Variants in CNTN5 observed in about 807,000 individuals in gnomAD.
CNTN5 encodes contactin 5.
Under a neutral mutation model 129.1 loss-of-function variants are expected in CNTN5, and 77 were observed. That is an observed-to-expected ratio of 0.60 (90% CI 0.50 to 0.72). CNTN5 has a LOEUF of 0.72. Ranked by LOEUF, CNTN5 falls within the 30% of genes least tolerant of loss-of-function variation. The probability of loss-of-function intolerance (pLI) is 0.00; values close to 1 mark genes in which losing one functional copy is unlikely to be tolerated. For synonymous variants in CNTN5, 509 were observed against 465.6 expected (o/e 1.09, Z -1.20); for missense variants, 1,478 against 1,328.8 (o/e 1.11, Z -1.75).
At chr11:99,187,950 G>T (rs1049105586) in intron 1 of CNTN5, among the ~76,000 whole-genome samples, 3 of 151,434 alleles carry the variant, frequency 2.0e-5, no homozygotes, top group Admixed American at 1.3e-4. Flanking sequence ...CCTTCCAGTG[G>T]TTACTATTAT....
At chr11:100,189,106 T>C (rs1258916624) in intron 13 of CNTN5, among the ~76,000 whole-genome samples, 1 of 151,996 alleles carries the variant, frequency 6.6e-6, no homozygotes, top group South Asian at 2.1e-4. Context: ...GGGCAAGAGT[T>C]GAAAAACTAA....
At chr11:99,503,809 G>T (rs1339837889) in intron 2 of CNTN5, among the ~76,000 whole-genome samples, 1 of 151,952 alleles carries the variant, frequency 6.6e-6, no homozygotes, top group East Asian at 1.9e-4. Flanking sequence ...GCAAGGAATT[G>T]TACCTCATTT....
At chr11:99,130,536 G>A (rs1325523313) in intron 1 of CNTN5, among the ~76,000 whole-genome samples, 1 of 152,108 alleles carries the variant, frequency 6.6e-6, no homozygotes, top group Non-Finnish European at 1.5e-5. Flanking sequence ...ATGCCCTACT[G>A]TCAGTATGAG....
intron 1 of CNTN5, among the ~76,000 whole-genome samples, chr11:99,055,795 GAAT>G (rs1401341983): frequency 2.0e-5 from 3 of 151,942 alleles, no homozygotes; most frequent in Non-Finnish European, 4.4e-5. Flanking sequence ...GTCAGAACCA[GAAT>G]GAGTCTTGCC....
At chr11:99,307,203 T>C (rs1864916074) in intron 1 of CNTN5, among the ~76,000 whole-genome samples, 1 of 152,230 alleles carries the variant, frequency 6.6e-6, no homozygotes, top group African/African-American at 2.4e-5. Context: ...GTGATCACTG[T>C]AACAAATAAT....
intron 2 of CNTN5, among the ~76,000 whole-genome samples, chr11:99,434,063 A>G (rs1170459142): frequency 6.6e-6 from 1 of 152,134 alleles, no homozygotes; most frequent in Non-Finnish European, 1.5e-5. Context: ...CATACCTACA[A>G]TGAAGATCAC....
At chr11:99,639,683 G>C (rs1459438345) in intron 3 of CNTN5, among the ~76,000 whole-genome samples, 4 of 145,822 alleles carry the variant, frequency 2.7e-5, no homozygotes, top group Admixed American at 2.2e-4. Context: ...CCCTGCCTCA[G>C]CCTCCCAAGT....
At chr11:99,602,665 AT>A (rs1363443770) in intron 3 of CNTN5, among the ~76,000 whole-genome samples, 3 of 151,592 alleles carry the variant, frequency 2.0e-5, no homozygotes, top group East Asian at 3.9e-4. Flanking sequence ...AAAAAAAAAA[AT>A]GTATCAAAAA....
intron 3 of CNTN5, among the ~76,000 whole-genome samples, chr11:99,679,929 T>A (rs1345766342): frequency 6.6e-6 from 1 of 152,160 alleles, no homozygotes; most frequent in Non-Finnish European, 1.5e-5. Context: ...GCATTCCTGA[T>A]GTAGAGACAG....
chr11:100,195,251 G>A, intron 15 of CNTN5, among the ~76,000 whole-genome samples: 1 of 151,972 alleles, frequency 6.6e-6, no homozygotes, highest in South Asian at 2.1e-4. Context: ...CATATCTAAA[G>A]AAAAAATACA....
intron 2 of CNTN5, among the ~76,000 whole-genome samples, chr11:99,414,876 G>T (rs928752947): frequency 6.6e-6 from 1 of 152,174 alleles, no homozygotes; most frequent in African/African-American, 2.4e-5. Context: ...ACTGAATATA[G>T]TTTAACAAGG....
chr11:100,311,763 A>G (rs982887120), intron 21 of CNTN5, among the ~76,000 whole-genome samples: 4 of 152,046 alleles, frequency 2.6e-5, no homozygotes, highest in African/African-American at 9.7e-5. Flanking sequence ...GGATTCAGCA[A>G]TGTGGAGACC....
At chr11:99,073,230 A>G (rs1865409914) in intron 1 of CNTN5, among the ~76,000 whole-genome samples, 1 of 152,058 alleles carries the variant, frequency 6.6e-6, no homozygotes, top group South Asian at 2.1e-4. Context: ...TGGTGGCTAT[A>G]TATCCCAAAG....
At chr11:99,213,397 T>C in intron 1 of CNTN5, among the ~76,000 whole-genome samples, 1 of 138,566 alleles carries the variant, frequency 7.2e-6, no homozygotes, top group East Asian at 2.0e-4. Context: ...TACACGTGTA[T>C]ATATACACAT....
At chr11:100,206,528 A>G (rs1473700609) in intron 15 of CNTN5, among the ~76,000 whole-genome samples, 2 of 152,164 alleles carry the variant, frequency 1.3e-5, no homozygotes, top group East Asian at 3.8e-4. Flanking sequence ...CTTGCTTAAC[A>G]TAAGTATACG....
chr11:99,108,114 T>C (rs917704079), intron 1 of CNTN5, among the ~76,000 whole-genome samples: 1 of 152,046 alleles, frequency 6.6e-6, no homozygotes, highest in African/African-American at 2.4e-5. Flanking sequence ...GTTGTGATGG[T>C]TGATTGTAGA....
chr11:99,642,423 T>C (rs2135847129), intron 3 of CNTN5, among the ~76,000 whole-genome samples: 1 of 152,308 alleles, frequency 6.6e-6, no homozygotes. Flanking sequence ...ATGTGCGAAA[T>C]GCTGAATTAA....
At chr11:99,407,678 T>C (rs1302999777) in intron 2 of CNTN5, among the ~76,000 whole-genome samples, 1 of 152,202 alleles carries the variant, frequency 6.6e-6, no homozygotes, top group Non-Finnish European at 1.5e-5. Context: ...CTTTCAAGGT[T>C]ATCTGGGGCC....
chr11:99,448,766 T>TTTTA (rs1213739532), intron 2 of CNTN5, among the ~76,000 whole-genome samples: 1 of 149,072 alleles, frequency 6.7e-6, no homozygotes, highest in Admixed American at 6.7e-5. Flanking sequence ...TTTTATTTTA[T>TTTTA]TTTATTTTAT....
Sources: allele counts gnomAD v4.1 joint callset (sites outside exome capture counted in the v4.1 genomes callset), GRCh38; gene constraint gnomAD v4.1.1; transcripts MANE v1.5; gene names NCBI Gene and HGNC (gene_info 2026-07-23, HGNC 2026-07-21).